The following ARHGAP21 variants were observed in gnomAD, a reference collection of about 807,000 sequenced individuals.
ARHGAP21 encodes rho GTPase-activating protein 21.
In ARHGAP21, 38 loss-of-function variants were observed where a neutral mutation model predicts 164.6. The observed-to-expected ratio is 0.23, with a 90% confidence interval of 0.18 to 0.30. ARHGAP21 has a LOEUF of 0.30. Ranked by LOEUF, ARHGAP21 falls within the 10% of genes least tolerant of loss-of-function variation. The pLI, the probability that ARHGAP21 is intolerant of heterozygous loss-of-function variation, is 1.00. For missense variants in ARHGAP21, 1,822 were observed against 2,370.7 expected (o/e 0.77, Z 4.81); for synonymous variants, 766 against 857.9 (o/e 0.89, Z 1.87).
At chr10:24,652,198 T>C (rs1188412234) in intron 4 of ARHGAP21, among the ~76,000 whole-genome samples, 2 of 152,228 alleles carry the variant, frequency 1.3e-5, no homozygotes, top group Non-Finnish European at 2.9e-5. Flanking sequence ...GAAACAGATC[T>C]ACACACATAC....
rs530354394 is a variant in ARHGAP21 at position 24,623,543 on chromosome 10, G to A, written c.496-781C>T. 3.0e-3 allele frequency among the ~76,000 whole-genome samples: 452 copies of A among 152,280 alleles called. 3 individuals are homozygous for A. The highest frequency in any genetic ancestry group is 4.8e-3 in the Non-Finnish European group (325 of 68,014). The stretch of plus-strand genomic sequence containing the variant: ...AACATGCATTTTGGGTGTGTGCATT[G>A]ACACACCAAGTCTATCTTTTCCATG... On this transcript the variant is annotated intron_variant, in intron 7 of 25. Transcript: ENST00000396432.
chr10:24,656,229 CG>C (rs1225079682), intron 4 of ARHGAP21, among the ~76,000 whole-genome samples: 1 of 136,054 alleles, frequency 7.4e-6, no homozygotes, highest in Non-Finnish European at 1.6e-5. Context: ...GTCATCCCCC[CG>C]CCCGGCCAGC....
At chr10:24,691,950 G>A (rs760438475) in intron 2 of ARHGAP21, among the ~76,000 whole-genome samples, 2 of 152,158 alleles carry the variant, frequency 1.3e-5, no homozygotes, top group Non-Finnish European at 2.9e-5. Flanking sequence ...ACAAAAAATA[G>A]AAATCCAATA....
Position 24,670,272 on chromosome 10 carries a change from T to C in ARHGAP21, c.189A>G (p.Thr63=). The C allele has an allele frequency of 6.2e-7, 1 of 1,606,588 alleles. No homozygotes were observed. The highest frequency in any genetic ancestry group is 1.1e-5 in the South Asian group (1 of 89,970). ...LKRTSQGFGF[T]LRHFIVYPPE... ...GGGGATAAACAATAAAATGTCTTAA[T>C]GTAAAACCAAAGCCTTGAGATGTTC... Residue 63 remains threonine (T), a synonymous_variant, in exon 3 of 26, where the codon ACA becomes ACG. Transcript: ENST00000396432.
intron 23 of ARHGAP21, 106 bp from the exon 24 acceptor site, chr10:24,591,436 CT>C: frequency 8.7e-7 from 1 of 1,147,920 alleles, no homozygotes; most frequent in Non-Finnish European, 1.3e-6. Context: ...AGCACCTGTG[CT>C]TAATGTGTTT....
intron 4 of ARHGAP21, among the ~76,000 whole-genome samples, chr10:24,660,733 TACA>T (rs1392294988): frequency 6.6e-6 from 1 of 152,238 alleles, no homozygotes; most frequent in Non-Finnish European, 1.5e-5. Flanking sequence ...CCATTCCCAA[TACA>T]ACATCATACA....
intron 2 of ARHGAP21, among the ~76,000 whole-genome samples, chr10:24,706,958 C>T (rs995838321): frequency 1.3e-5 from 2 of 152,152 alleles, no homozygotes; most frequent in Non-Finnish European, 2.9e-5. Context: ...GGCTCCGGTC[C>T]ACAGCAAACA....
chr10:24,693,507 C>G (rs764453260), intron 2 of ARHGAP21, among the ~76,000 whole-genome samples: 1 of 152,074 alleles, frequency 6.6e-6, no homozygotes, highest in African/African-American at 2.4e-5. Flanking sequence ...CTCGCCACCA[C>G]GCCCGGCTAA....
intron 9 of ARHGAP21, among the ~76,000 whole-genome samples, chr10:24,616,910 A>AAT (rs1834001461): frequency 6.6e-6 from 1 of 152,198 alleles, no homozygotes; most frequent in Non-Finnish European, 1.5e-5. Context: ...GTTAATGAGT[A>AAT]ATATTCCAAA....
intron 4 of ARHGAP21, among the ~76,000 whole-genome samples, chr10:24,645,616 G>T (rs1363490459): frequency 2.6e-5 from 4 of 151,464 alleles, no homozygotes; most frequent in African/African-American, 7.3e-5. Context: ...TTTCTAGTTT[G>T]GTGGAGGATA....
intron 2 of ARHGAP21, among the ~76,000 whole-genome samples, chr10:24,682,428 G>A (rs762594003): frequency 1.8e-4 from 27 of 152,068 alleles, no homozygotes; most frequent in Non-Finnish European, 3.1e-4. Context: ...TTTAAATATT[G>A]CCTATTTTTA....
intron 2 of ARHGAP21, among the ~76,000 whole-genome samples, chr10:24,719,300 GTTTA>G (rs1212018763): frequency 3.9e-5 from 6 of 152,154 alleles, no homozygotes; most frequent in Admixed American, 3.3e-4. Context: ...GAAGAGGGCT[GTTTA>G]TTTGTTTTGA....
rs558378115 is a variant in ARHGAP21, at chr10:24,723,673, CCCG to C, written c.-495_-493del. On this transcript the variant is annotated 5_prime_UTR_variant, in exon 1 of 26. Coordinates refer to ENST00000396432, the MANE Select transcript of ARHGAP21 (RefSeq NM_020824.4). ...CCCGCAGCCGGACGATCCCGCGCTG[CCCG>C]CCGCCGCCGCCGCCGCCGCCGCCGC... is the stretch of plus-strand genomic sequence containing the variant. The C allele has an allele frequency of 0.16, 23,293 of 147,260 alleles. 1,928 individuals carry two copies. The highest frequency in any genetic ancestry group is 0.28 in the East Asian group (1,369 of 4,906). 9.1% of individuals were successfully genotyped at this position (147,260 alleles called of 1,614,324 possible).
intron 2 of ARHGAP21, among the ~76,000 whole-genome samples, chr10:24,683,592 A>G (rs1841968426): frequency 6.6e-6 from 1 of 152,102 alleles, no homozygotes; most frequent in Non-Finnish European, 1.5e-5. Flanking sequence ...CCCAAGCCCA[A>G]GCAATCCTCC....
At chr10:24,671,607 A>T (rs1840709502) in intron 2 of ARHGAP21, among the ~76,000 whole-genome samples, 1 of 152,042 alleles carries the variant, frequency 6.6e-6, no homozygotes, top group Non-Finnish European at 1.5e-5. Flanking sequence ...TTACTATTCA[A>T]AGATACAGGT....
At chr10:24,656,228 C>G (rs1441057098) in intron 4 of ARHGAP21, among the ~76,000 whole-genome samples, 2 of 136,990 alleles carry the variant, frequency 1.5e-5, no homozygotes, top group Non-Finnish European at 3.1e-5. Context: ...GGTCATCCCC[C>G]CGCCCGGCCA....
chr10:24,663,184 G>A (rs1839876133), intron 4 of ARHGAP21, among the ~76,000 whole-genome samples: 1 of 151,978 alleles, frequency 6.6e-6, no homozygotes, highest in South Asian at 2.1e-4. Flanking sequence ...TTATCTTCTA[G>A]TTATTATATT....
intron 25 of ARHGAP21, 66 bp from the exon 26 acceptor site, chr10:24,586,172 C>T: frequency 6.8e-7 from 1 of 1,467,190 alleles, no homozygotes; most frequent in Admixed American, 2.7e-5. Flanking sequence ...TTCTGACAAG[C>T]TTGTCTCCCA....
intron 10 of ARHGAP21, 60 bp from the exon 11 acceptor site, chr10:24,607,661 C>A (rs892802141): frequency 6.2e-7 from 1 of 1,609,220 alleles, no homozygotes; most frequent in South Asian, 1.1e-5. Context: ...ATTCTTTTAA[C>A]GGTGGAAACA....
Sources: allele counts gnomAD v4.1 joint callset (sites outside exome capture counted in the v4.1 genomes callset), GRCh38; gene constraint gnomAD v4.1.1; transcripts MANE v1.5; gene names NCBI Gene and HGNC (gene_info 2026-07-23, HGNC 2026-07-21).